FOXN3: variants seen among roughly 807,000 people sequenced by gnomAD.
FOXN3 encodes the protein forkhead box protein N3.
FOXN3 carries 7 observed loss-of-function variants against 38.4 expected under a neutral mutation model. The observed-to-expected ratio is 0.18, with a 90% CI of 0.10 to 0.34. FOXN3 has a LOEUF of 0.34. Ranked by LOEUF, FOXN3 falls within the 10% of genes least tolerant of loss-of-function variation. The pLI, the probability that FOXN3 is intolerant of heterozygous loss-of-function variation, is 1.00. For synonymous variants in FOXN3, 230 were observed against 242.2 expected (o/e 0.95, Z 0.47); for missense variants, 456 against 613.4 (o/e 0.74, Z 2.71).
intron 4 of FOXN3, among the ~76,000 whole-genome samples, chr14:89,221,119 C>A (rs568444900): frequency 1.3e-5 from 2 of 152,012 alleles, no homozygotes; most frequent in South Asian, 4.2e-4. Context: ...TAATACAAGC[C>A]CTAGTGTGGT....
intron 4 of FOXN3, among the ~76,000 whole-genome samples, chr14:89,241,139 A>G (rs958028610): frequency 2.6e-5 from 4 of 151,924 alleles, no homozygotes; most frequent in African/African-American, 7.3e-5. Flanking sequence ...TGAGCCAGAC[A>G]CTCCCTAACC....
chr14:89,387,721 G>C (rs374277837), intron 2 of FOXN3, among the ~76,000 whole-genome samples: 1 of 152,192 alleles, frequency 6.6e-6, no homozygotes, highest in Non-Finnish European at 1.5e-5. Context: ...GGCTTTAAAC[G>C]GAGCCCTTAG....
At chr14:89,500,940 G>A (rs1009570157) in intron 1 of FOXN3, among the ~76,000 whole-genome samples, 7 of 152,216 alleles carry the variant, frequency 4.6e-5, no homozygotes, top group African/African-American at 1.2e-4. Flanking sequence ...TTATCACAGT[G>A]AAGTTTGCTT....
At chr14:89,409,714 A>G (rs1365418695) in intron 2 of FOXN3, among the ~76,000 whole-genome samples, 1 of 152,152 alleles carries the variant, frequency 6.6e-6, no homozygotes, top group Non-Finnish European at 1.5e-5. Flanking sequence ...CTTTCTTGCC[A>G]CAAAGACCCA....
At chr14:89,540,005 C>T (rs1195370618) in intron 1 of FOXN3, among the ~76,000 whole-genome samples, 1 of 152,178 alleles carries the variant, frequency 6.6e-6, no homozygotes, top group African/African-American at 2.4e-5. Flanking sequence ...GTGCCCTCGG[C>T]TGTTTCTACT....
rs373227273 is a variant in FOXN3 at position 89,601,024 on chromosome 14, G to C, written c.-15+18004C>G. On this transcript the variant is annotated intron_variant, in intron 1 of 6. Transcript: ENST00000345097. ...TCTGTCTTGGCTTCTGAGAGAGCTAGATTTGCCTCCTGGGTCATCTTCTTA... is the reference window on the plus strand; with the variant it reads ...TCTGTCTTGGCTTCTGAGAGAGCTACATTTGCCTCCTGGGTCATCTTCTTA... Among the ~76,000 whole-genome samples the C allele has an allele frequency of 1.1e-4, 16 of 152,322 alleles. No individual in the cohort carries two copies. The East Asian group carries it at 3.1e-3, about 29-fold the overall frequency.
In FOXN3 at chr14:89,559,296, A is replaced by G. The variant is rs57687171; in HGVS notation, c.-15+59732T>C. ...TTGGGAGGCTGAACTGGGAGGATTT[A>G]TTGAACCCAGGAAGTTGTGCTGCAG... On this transcript the variant is annotated intron_variant, in intron 1 of 6. Coordinates refer to the FOXN3 transcript ENST00000345097. Among the ~76,000 whole-genome samples the G allele has an allele frequency of 3.5e-3, 537 of 152,142 alleles. 2 individuals are homozygous for G. The highest frequency in any genetic ancestry group is 0.012 in the African/African-American group (510 of 41,494).
At chr14:89,258,537 T>C (rs1250950968) in intron 4 of FOXN3, among the ~76,000 whole-genome samples, 1 of 152,192 alleles carries the variant, frequency 6.6e-6, no homozygotes, top group Non-Finnish European at 1.5e-5. Context: ...TAATAAATAG[T>C]AGTCATTGTG....
At chr14:89,305,672 C>A (rs1887348518) in intron 3 of FOXN3, among the ~76,000 whole-genome samples, 1 of 152,122 alleles carries the variant, frequency 6.6e-6, no homozygotes, top group Admixed American at 6.5e-5. Flanking sequence ...ATCAGGAAGA[C>A]CCACTGCTAA....
intron 2 of FOXN3, among the ~76,000 whole-genome samples, chr14:89,377,534 T>C (rs990931887): frequency 2.0e-5 from 3 of 152,108 alleles, no homozygotes; most frequent in Non-Finnish European, 4.4e-5. Context: ...CATCAGTTCA[T>C]ATAATCTACA....
intron 5 of FOXN3, among the ~76,000 whole-genome samples, chr14:89,177,212 T>C (rs755174200): frequency 2.6e-4 from 39 of 152,122 alleles, no homozygotes; most frequent in Non-Finnish European, 4.1e-4. Flanking sequence ...TGTTTCACCA[T>C]GTTGGCCAGG....
intron 1 of FOXN3, among the ~76,000 whole-genome samples, chr14:89,481,830 G>C (rs967896111): frequency 6.6e-6 from 1 of 152,120 alleles, no homozygotes; most frequent in Non-Finnish European, 1.5e-5. Flanking sequence ...CTTAAAGGAT[G>C]ACCAGTGGAG....
intron 1 of FOXN3, among the ~76,000 whole-genome samples, chr14:89,511,239 T>TTCC (rs1894075775): frequency 5.5e-5 from 1 of 18,266 alleles, no homozygotes; most frequent in African/African-American, 9.8e-5. Flanking sequence ...TTTCTTTCCT[T>TTCC]TTCTTTCTTT....
chr14:89,472,618 G>A (rs1893125363), intron 1 of FOXN3, among the ~76,000 whole-genome samples: 1 of 151,546 alleles, frequency 6.6e-6, no homozygotes. Context: ...CTACTAGGGA[G>A]GCTGAGGCAG....
At chr14:89,462,769 C>G (rs1009655771) in intron 1 of FOXN3, among the ~76,000 whole-genome samples, 2 of 151,662 alleles carry the variant, frequency 1.3e-5, no homozygotes, top group Admixed American at 1.3e-4. Flanking sequence ...ACTGCAACCT[C>G]TGCCTCCTGG....
At chr14:89,349,080 G>C (rs1888868052) in intron 3 of FOXN3, among the ~76,000 whole-genome samples, 1 of 152,028 alleles carries the variant, frequency 6.6e-6, no homozygotes, top group Admixed American at 6.5e-5. Flanking sequence ...AGAGTCGGGG[G>C]GTGGGGGTAG....
chr14:89,315,057 A>G (rs1014256233), intron 3 of FOXN3, among the ~76,000 whole-genome samples: 17 of 152,032 alleles, frequency 1.1e-4, no homozygotes, highest in African/African-American at 3.9e-4. Flanking sequence ...TGCACTTGAT[A>G]GATGTTCTTT....
chr14:89,377,056 C>CAAAAAAAAA (rs1555422580), intron 2 of FOXN3, among the ~76,000 whole-genome samples: 3 of 52,434 alleles, frequency 5.7e-5, no homozygotes, highest in Non-Finnish European at 8.8e-5. Flanking sequence ...AAAAAAAAAG[C>CAAAAAAAAA]TTGAGCCTAC....
At chr14:89,498,843 G>A (rs994513972) in intron 1 of FOXN3, among the ~76,000 whole-genome samples, 1 of 152,096 alleles carries the variant, frequency 6.6e-6, no homozygotes, top group Non-Finnish European at 1.5e-5. Context: ...GGGGAACTGG[G>A]TGCTTTATAA....
Sources: allele counts gnomAD v4.1 joint callset (sites outside exome capture counted in the v4.1 genomes callset), GRCh38; gene constraint gnomAD v4.1.1; transcripts MANE v1.5; gene names NCBI Gene and HGNC (gene_info 2026-07-23, HGNC 2026-07-21).